FMR1NB: variants seen among roughly 807,000 people sequenced by gnomAD.
FMR1NB encodes the protein FMR1 neighbor.
A neutral mutation model predicts 16.8 loss-of-function variants in FMR1NB; 10 were observed. The observed-to-expected ratio is 0.60, with a 90% CI of 0.37 to 1.01. The LOEUF (loss-of-function observed/expected upper bound fraction) is 1.01. Among genes scored for constraint, FMR1NB ranks in the 50% least tolerant of loss-of-function variants. FMR1NB has a pLI of 0.01. For synonymous variants in FMR1NB, 83 were observed against 79.1 expected (o/e 1.05, Z -0.26); for missense variants, 205 against 204.8 (o/e 1.00, Z 0.00).
intron 1 of FMR1NB, among the ~76,000 whole-genome samples, chrX:147,983,782 G>A (rs945433586): frequency 3.6e-5 from 4 of 111,824 alleles, no homozygotes; most frequent in Non-Finnish European, 7.5e-5. Flanking sequence ...GTGTTTTGGA[G>A]TCATATCTAA....
chrX:147,981,859 C>T (rs1361713858), intron 1 of FMR1NB, among the ~76,000 whole-genome samples, 180 bp downstream of exon 1: 6 of 111,759 alleles, frequency 5.4e-5, no homozygotes, highest in Non-Finnish European at 1.1e-4. Context: ...GTCCTGCCCT[C>T]TCTCGCCTGG....
chrX:147,994,390 A>G (rs1557187991), intron 1 of FMR1NB, among the ~76,000 whole-genome samples: 1 of 112,724 alleles, frequency 8.9e-6, no homozygotes, highest in African/African-American at 3.2e-5. Context: ...TATTTGAAAT[A>G]AGTTAGAAAA....
rs1557189125 is a variant in FMR1NB at position 148,006,709 on chromosome X, T to C, written c.405T>C (p.Asn135=). ...LLNFFFPTTC[N]LRENQVAKPC... is the part of the protein sequence containing the mutation. ...AATTTCTGTTTTTAAAAGCTTGCAA[T>C]CTGAGGGAAAATCAGGTGGCAAAGC... Residue 135 remains asparagine (N), a synonymous_variant, in exon 3 of 6, where the codon AAT becomes AAC. Coordinates refer to ENST00000370467, the MANE Select transcript of FMR1NB (RefSeq NM_152578.3). 2 of 1,200,640 alleles carry C rather than the reference T, an allele frequency of 1.7e-6. No homozygotes were observed. The highest frequency in any genetic ancestry group is 2.2e-6 in the Non-Finnish European group (2 of 891,662).
chrX:147,991,635 A>G (rs910623754), intron 1 of FMR1NB, among the ~76,000 whole-genome samples: 8 of 98,935 alleles, frequency 8.1e-5, no homozygotes, highest in African/African-American at 2.9e-4. Context: ...TATCATCACA[A>G]AGGCCTTCCT....
intron 4 of FMR1NB, among the ~76,000 whole-genome samples, chrX:148,013,147 C>T (rs1304994968): frequency 1.8e-5 from 2 of 111,525 alleles, no homozygotes; most frequent in African/African-American, 6.5e-5. Context: ...AATTTAATTA[C>T]TGAAATAATA....
intron 5 of FMR1NB, 141 bp downstream of exon 5, chrX:148,025,154 A>G: frequency 1.6e-6 from 1 of 637,649 alleles, no homozygotes; most frequent in Non-Finnish European, 2.3e-6. Flanking sequence ...CAGCTTCTGA[A>G]CAAATATTTA....
At chrX:148,020,036 C>G (rs1230065394) in intron 4 of FMR1NB, among the ~76,000 whole-genome samples, 1 of 112,346 alleles carries the variant, frequency 8.9e-6, no homozygotes, top group Non-Finnish European at 1.9e-5. Flanking sequence ...GGGGTACTTT[C>G]CAGGAGCCAA....
Position 148,006,897 on chromosome X carries a change from G to T in FMR1NB, c.538+55G>T, listed in dbSNP as rs180944094. ...TTTTTTAATATTAAATAAACAGATC[G>T]CAGTGGCATAAGTTCATATTTGGAT... is the stretch of plus-strand genomic sequence containing the variant. On this transcript the variant is annotated intron_variant, in intron 3 of 5. Transcript: ENST00000370467. 257 of 1,103,600 alleles carry T rather than the reference G, an allele frequency of 2.3e-4. 2 individuals carry two copies. The highest frequency in any genetic ancestry group is 2.1e-3 in the Middle Eastern group (8 of 3,736). The allele number at this position is 1,103,600 out of a possible 1,213,427, so 90.9% of individuals were successfully genotyped here. A position where few individuals can be genotyped will look rare whatever the true frequency, so the allele number is the denominator to read the frequency against.
chrX:147,985,054 C>G (rs1011145573), intron 1 of FMR1NB, among the ~76,000 whole-genome samples: 3 of 111,449 alleles, frequency 2.7e-5, no homozygotes, highest in African/African-American at 9.8e-5. Flanking sequence ...CCTTATAATA[C>G]GCTGTTGCAT....
At chrX:148,015,867 T>C (rs1159135196) in intron 4 of FMR1NB, among the ~76,000 whole-genome samples, 1 of 112,352 alleles carries the variant, frequency 8.9e-6, no homozygotes, top group Non-Finnish European at 1.9e-5. Context: ...TTGTTCATTT[T>C]CTGTCTGGAA....
At chrX:147,999,086 A>G (rs1557188437) in intron 1 of FMR1NB, among the ~76,000 whole-genome samples, 1 of 111,818 alleles carries the variant, frequency 8.9e-6, no homozygotes, top group Non-Finnish European at 1.9e-5. Context: ...TGATGGAGAG[A>G]AATCACAGCA....
intron 1 of FMR1NB, among the ~76,000 whole-genome samples, chrX:147,995,782 A>G (rs1325846009): frequency 8.9e-6 from 1 of 112,634 alleles, no homozygotes. Context: ...TTACACATAG[A>G]AAGTCTGGCT....
At chrX:148,016,533 TTTCC>T (rs1444283929) in intron 4 of FMR1NB, among the ~76,000 whole-genome samples, 1 of 111,838 alleles carries the variant, frequency 8.9e-6, no homozygotes, top group Non-Finnish European at 1.9e-5. Context: ...CTCCTTCTAC[TTTCC>T]TTCCTTCCTG....
chrX:148,025,459 C>T (rs1231767851), intron 5 of FMR1NB, among the ~76,000 whole-genome samples: 1 of 111,537 alleles, frequency 9.0e-6, no homozygotes, highest in Non-Finnish European at 1.9e-5. Flanking sequence ...TTCTTCAAAC[C>T]TGCACGATGT....
rs781827622 is a variant in FMR1NB, at chrX:147,997,894, C to A, written c.278-5307C>A. 3.6e-5 allele frequency among the ~76,000 whole-genome samples: 4 copies of A among 112,343 alleles called. No individual in the cohort carries two copies. The East Asian group carries it at 1.1e-3, about 31-fold the overall frequency. On this transcript the variant is annotated intron_variant, in intron 1 of 5. Transcript: ENST00000370467. ...GTCATTAGAGAAATGCAAATAAAAA[C>A]CACAATGAGATACCATCTCTCGCCT...
intron 4 of FMR1NB, among the ~76,000 whole-genome samples, chrX:148,014,921 A>T (rs1557189996): frequency 8.9e-6 from 1 of 112,162 alleles, no homozygotes; most frequent in Non-Finnish European, 1.9e-5. Flanking sequence ...CTGGGATTAC[A>T]GACAGAAGCC....
At chrX:148,019,365 T>C (rs1416249328) in intron 4 of FMR1NB, among the ~76,000 whole-genome samples, 1 of 112,590 alleles carries the variant, frequency 8.9e-6, no homozygotes, top group Non-Finnish European at 1.9e-5. Context: ...AATTCTTTGT[T>C]TGAAAGATAA....
chrX:147,992,073 C>A (rs371012009), intron 1 of FMR1NB, among the ~76,000 whole-genome samples: 5 of 112,124 alleles, frequency 4.5e-5, no homozygotes, highest in African/African-American at 1.6e-4. Context: ...CACACAGACA[C>A]GGCAACTATC....
At chrX:148,010,969 C>T (rs187685561) in intron 4 of FMR1NB, among the ~76,000 whole-genome samples, 2 of 111,418 alleles carry the variant, frequency 1.8e-5, no homozygotes, top group African/African-American at 6.5e-5. Context: ...TAAGGATCAC[C>T]TAAGGAGCCA....
Sources: allele counts gnomAD v4.1 joint callset (sites outside exome capture counted in the v4.1 genomes callset), GRCh38; gene constraint gnomAD v4.1.1; transcripts MANE v1.5; gene names NCBI Gene and HGNC (gene_info 2026-07-23, HGNC 2026-07-21).